CYP27A1: variants seen among roughly 807,000 people sequenced by gnomAD.
The protein encoded by CYP27A1 is cytochrome P450 family 27 subfamily A member 1, also known as sterol 26-hydroxylase, mitochondrial.
Under a neutral mutation model 58.2 loss-of-function variants are expected in CYP27A1, and 46 were observed. The observed-to-expected ratio is 0.79, with a 90% confidence interval of 0.62 to 1.01. CYP27A1 has a LOEUF of 1.01. Among genes scored for constraint, CYP27A1 ranks in the 50% least tolerant of loss-of-function variants. The pLI, the probability that CYP27A1 is intolerant of heterozygous loss-of-function variation, is 0.00. For missense variants in CYP27A1, 704 were observed against 687.0 expected (o/e 1.02, Z -0.28); for synonymous variants, 274 against 285.1 (o/e 0.96, Z 0.39).
intron 1 of CYP27A1, among the ~76,000 whole-genome samples, chr2:218,787,770 C>G (rs1037335390): frequency 6.6e-6 from 1 of 152,208 alleles, no homozygotes; most frequent in African/African-American, 2.4e-5. Context: ...AACTTTGGAC[C>G]TTCCAGCCTC....
chr2:218,792,329 A>G (rs944891468), intron 1 of CYP27A1, among the ~76,000 whole-genome samples: 3 of 152,184 alleles, frequency 2.0e-5, no homozygotes, highest in Admixed American at 6.5e-5. Context: ...TTCAAACTGT[A>G]TATCTAAACA....
intron 4 of CYP27A1, 47 bp from the exon 5 acceptor site, chr2:218,812,877 T>A (rs754012772): frequency 3.1e-6 from 5 of 1,613,344 alleles, no homozygotes; most frequent in Non-Finnish European, 3.4e-6. Flanking sequence ...TCCTTGGAGA[T>A]CATGACTTTT....
intron 1 of CYP27A1, among the ~76,000 whole-genome samples, chr2:218,785,027 T>C (rs1433374346): frequency 1.3e-5 from 2 of 152,226 alleles, no homozygotes; most frequent in African/African-American, 4.8e-5. Context: ...CTATTATTGT[T>C]ATATTGTAAT....
chr2:218,813,593 T>A (rs1424607049), intron 5 of CYP27A1, among the ~76,000 whole-genome samples: 1 of 152,104 alleles, frequency 6.6e-6, no homozygotes, highest in Non-Finnish European at 1.5e-5. Flanking sequence ...GCCCAGCTTT[T>A]TTTTTCTTTA....
At chr2:218,797,301 A>G (rs924457218) in intron 1 of CYP27A1, among the ~76,000 whole-genome samples, 1 of 152,126 alleles carries the variant, frequency 6.6e-6, no homozygotes, top group South Asian at 2.1e-4. Context: ...GGGTTTCACC[A>G]TGTTGGCCAG....
At chr2:218,785,114 C>T (rs1347103632) in intron 1 of CYP27A1, among the ~76,000 whole-genome samples, 1 of 152,230 alleles carries the variant, frequency 6.6e-6, no homozygotes, top group Middle Eastern at 3.2e-3. Flanking sequence ...TGCAACCAGA[C>T]TGTCCCATCT....
rs1288966845 is a variant in CYP27A1 at position 218,814,671 on chromosome 2, T to C, written c.1390T>C (p.Phe464Leu). Reference protein sequence around the residue: ...QPATPRIQHPFGSVPFGYGVR... With the variant: ...QPATPRIQHPLGSVPFGYGVR... ...TGCTACCCCCAGGATCCAGCACCCA[T>C]TTGGCTCTGTGCCCTTTGGCTATGG... Residue 464 changes from phenylalanine (F) to leucine (L), a missense_variant, in exon 8 of 9, where the codon TTT (phenylalanine) becomes CTT (leucine). By Grantham distance (22) the Phe-to-Leu change is conservative. Coordinates refer to ENST00000258415, the MANE Select transcript of CYP27A1 (RefSeq NM_000784.4). 1.2e-6 allele frequency: 2 copies of C among 1,613,998 alleles called. No individual in the cohort carries two copies. The highest frequency in any genetic ancestry group is 2.2e-5 in the East Asian group (1 of 44,890).
In CYP27A1 at chr2:218,809,557, G is replaced by C. The variant is rs1295834486; in HGVS notation, c.256-20G>C. 2.6e-6 allele frequency: 4 copies of C among 1,560,712 alleles called. No individual in the cohort carries two copies. The highest frequency in any genetic ancestry group is 1.7e-5 in the Admixed American group (1 of 57,398). ...CTGCCCAGCTTGGCCCAGTTATTCA[G>C]TTTTGATTGAACTCCACAGGTGCTT... On this transcript the variant is annotated intron_variant, in intron 1 of 8. Coordinates refer to ENST00000258415, the MANE Select transcript of CYP27A1 (RefSeq NM_000784.4).
Position 218,785,798 on chromosome 2 carries a change from C to G in CYP27A1, c.255+3361C>G, listed in dbSNP as rs567532050. On this transcript the variant is annotated intron_variant, in intron 1 of 8. Coordinates refer to ENST00000258415, the MANE Select transcript of CYP27A1 (RefSeq NM_000784.4). ...GAGTTAATAGAGGAGTGTTGTACATCTATAAAACTCAGTTAATAACCTTTT... is the reference window on the plus strand; with the variant it reads ...GAGTTAATAGAGGAGTGTTGTACATGTATAAAACTCAGTTAATAACCTTTT... Among the ~76,000 whole-genome samples the G allele has an allele frequency of 3.3e-5, 5 of 152,216 alleles. No individual in the cohort carries two copies. In the East Asian group the frequency reaches 9.6e-4, roughly 29 times the overall value.
chr2:218,798,374 T>G (rs1404338383), intron 1 of CYP27A1, among the ~76,000 whole-genome samples: 1 of 152,268 alleles, frequency 6.6e-6, no homozygotes, highest in African/African-American at 2.4e-5. Context: ...CTATTTTCAG[T>G]TGTTTCAATT....
rs1224997517 is a variant in CYP27A1, at chr2:218,782,218, GCTGCGAGGGGCCGGCCGTGGCCT to G, written c.41_63del (p.Arg14ProfsTer159). The G allele has an allele frequency of 6.5e-7, 1 of 1,540,032 alleles. No individual in the cohort carries two copies. The highest frequency in any genetic ancestry group is 8.7e-7 in the Non-Finnish European group (1 of 1,145,952). On this transcript the variant is annotated frameshift_variant, in exon 1 of 9. Transcript: ENST00000258415. LOFTEE classifies it high-confidence loss of function. This position sits in a 1 kb window ranked among gnomAD's most constrained non-coding sequence, Gnocchi z 4.1. ...TGGGCTGCGCGAGGCTGAGGTGGGC[GCTGCGAGGGGCCGGCCGTGGCCT>G]CTGCCCCCACGGGGCCAGAGCCAAG...
intron 1 of CYP27A1, among the ~76,000 whole-genome samples, chr2:218,784,478 T>G (rs539967460): frequency 1.3e-5 from 2 of 152,324 alleles, no homozygotes; most frequent in Non-Finnish European, 2.9e-5. Flanking sequence ...TCATTATAGA[T>G]TAACTTCCTT....
chr2:218,782,864 G>A lies in CYP27A1; in HGVS notation c.255+427G>A, dbSNP rs1397894436. ...GATTATAGAAACCTCTTGGTTATTT[G>A]CAAGGTAAATTTCCTCTTAGGGGAA... On this transcript the variant is annotated intron_variant, in intron 1 of 8. Transcript: ENST00000258415. The surrounding 1 kb of genome is among the most constrained non-coding windows in gnomAD (Gnocchi z 4.1). Among the ~76,000 whole-genome samples, 1 of 152,166 alleles carries A rather than the reference G, an allele frequency of 6.6e-6. No homozygotes were observed. Among genetic ancestry groups the A allele is most frequent in the Non-Finnish European group, 1.5e-5 (1 of 68,032 alleles).
At chr2:218,791,674 C>T (rs947661471) in intron 1 of CYP27A1, among the ~76,000 whole-genome samples, 4 of 152,126 alleles carry the variant, frequency 2.6e-5, no homozygotes, top group African/African-American at 4.8e-5. Context: ...AAATTATGAA[C>T]CCAAGGTTCA....
At chr2:218,800,829 A>G (rs1943593152) in intron 1 of CYP27A1, among the ~76,000 whole-genome samples, 1 of 152,198 alleles carries the variant, frequency 6.6e-6, no homozygotes, top group Admixed American at 6.5e-5. Flanking sequence ...TATGTTTTTT[A>G]AAATAAAAGC....
chr2:218,812,810 C>A, intron 4 of CYP27A1, 61 bp downstream of exon 4: 1 of 1,605,852 alleles, frequency 6.2e-7, no homozygotes, highest in Non-Finnish European at 8.5e-7. Context: ...GTCTGTGCAT[C>A]AGCGGTCTCT....
At position 218,814,173 on chromosome 2, in the gene CYP27A1, T is replaced by G; in HGVS notation, c.1170T>G (p.Leu390=). The G allele has an allele frequency of 6.2e-7, 1 of 1,614,236 alleles. No individual in the cohort carries two copies. Among genetic ancestry groups the G allele is most frequent in the Non-Finnish European group, 8.5e-7 (1 of 1,180,048 alleles). ...FAHMPLLKAV[L]KETLRLYPVV... ...ACATGCCGTTGCTCAAAGCTGTGCT[T>G]AAGGAGACTCTGCGGTAGGACAGAA... Residue 390 remains leucine (L), a synonymous_variant, in exon 6 of 9, where the codon CTT becomes CTG. Transcript: ENST00000258415.
intron 1 of CYP27A1, among the ~76,000 whole-genome samples, chr2:218,788,631 C>A (rs1348713061): frequency 6.6e-6 from 1 of 152,154 alleles, no homozygotes; most frequent in Non-Finnish European, 1.5e-5. Flanking sequence ...GAAGAAAATT[C>A]CATCTAGGCC....
At position 218,814,084 on chromosome 2, in the gene CYP27A1, T is replaced by C. The variant is rs1359927408; in HGVS notation, c.1081T>C (p.Leu361=). ...AAAGGACCCTGAGATCCAGGAGGCC[T>C]TGCACGAGGAAGTGGTGGGTGTGGT... ...LSKDPEIQEA[L]HEEVVGVVPA... Residue 361 remains leucine, a synonymous_variant, in exon 6 of 9, where the codon TTG becomes CTG. Transcript: ENST00000258415. 6.2e-7 allele frequency: 1 copy of C among 1,614,228 alleles called. No individual in the cohort carries two copies. The highest frequency in any genetic ancestry group is 1.3e-5 in the African/African-American group (1 of 75,070).
Sources: gnomAD v4.1 joint callset for allele counts (sites outside exome capture counted in the v4.1 genomes callset) on GRCh38, gnomAD v4.1.1 for gene constraint, Gnocchi (gnomAD v3.1) non-coding constraint, MANE v1.5 for transcripts, NCBI Gene and HGNC (gene_info 2026-07-23, HGNC 2026-07-21) for gene names.